The following CDC42BPB variants were observed in gnomAD, a reference collection of about 807,000 sequenced individuals.
CDC42BPB encodes serine/threonine-protein kinase MRCK beta.
CDC42BPB carries 37 observed loss-of-function variants against 214.9 expected under a neutral mutation model. That is an observed-to-expected ratio of 0.17 (90% CI 0.13 to 0.23). CDC42BPB has a LOEUF of 0.23. Ranked by LOEUF, CDC42BPB falls within the 10% of genes least tolerant of loss-of-function variation. The probability of loss-of-function intolerance (pLI) is 1.00; values close to 1 mark genes in which losing one functional copy is unlikely to be tolerated. For synonymous variants in CDC42BPB, 931 were observed against 884.0 expected, an observed-to-expected ratio of 1.05 and a Z score of -0.94; for missense variants, 1,694 against 2,227.0, an observed-to-expected ratio of 0.76 and a Z score of 4.82.
chr14:102,996,650 T>C (rs1225676423), intron 5 of CDC42BPB, among the ~76,000 whole-genome samples: 1 of 151,706 alleles, frequency 6.6e-6, no homozygotes, highest in Non-Finnish European at 1.5e-5. Flanking sequence ...CCATCTCTAC[T>C]AAAAACACAA....
At chr14:102,982,262 T>C (rs1392280286) in intron 7 of CDC42BPB, among the ~76,000 whole-genome samples, 3 of 152,238 alleles carry the variant, frequency 2.0e-5, no homozygotes, top group Non-Finnish European at 4.4e-5. Flanking sequence ...TTTTTAAAAC[T>C]GTAACTTTTG....
intron 21 of CDC42BPB, chr14:102,956,548 G>A (rs867115602): frequency 9.9e-6 from 3 of 301,610 alleles, no homozygotes; most frequent in African/African-American, 2.2e-5. Flanking sequence ...AGGGATTAGC[G>A]GCCAGGCACG....
At chr14:102,971,866 A>G (rs1893486853) in intron 13 of CDC42BPB, 53 bp downstream of exon 13, 8 of 1,558,014 alleles carry the variant, frequency 5.1e-6, no homozygotes, top group Admixed American at 3.6e-5. Context: ...ACGTTTTATA[A>G]AAGTCACACA....
chr14:102,952,721 G>A lies in CDC42BPB; in HGVS notation c.3067-118C>T, dbSNP rs866517050. 2.4e-5 allele frequency: 35 copies of A among 1,479,124 alleles called. No individual in the cohort carries two copies. The Middle Eastern group carries it at 1.1e-3, about 45-fold the overall frequency. The allele number at this position is 1,479,124 out of a possible 1,614,324, so 91.6% of individuals were successfully genotyped here. ...CATTATCCTGAAAAGGTGGAAATGT[G>A]CAAGTTCTGGTCTTGGTCTACGTGT... On this transcript the variant is annotated intron_variant, in intron 23 of 36. Transcript: ENST00000361246.
At chr14:102,957,024 C>CAAA (rs1183767118) in intron 21 of CDC42BPB, among the ~76,000 whole-genome samples, 3 of 48,190 alleles carry the variant, frequency 6.2e-5, no homozygotes, top group African/African-American at 7.3e-5. Context: ...ACTAAAAATA[C>CAAA]AAAAAAAAAA....
At chr14:102,938,621 AGC>A in intron 34 of CDC42BPB, 1 of 931,972 alleles carries the variant, frequency 1.1e-6, no homozygotes. Context: ...TCCTATAAAA[AGC>A]GTACTTTTTT....
At position 102,940,331 on chromosome 14, in the gene CDC42BPB, C is replaced by A. The variant is rs1482230186; in HGVS notation, c.4409-7G>T. Reference sequence around the variant, plus strand: ...ACGTGGGTGGGGCTGCAACCTAGCGCAGACGGAGCAGGGCGGGGTGAGCCA... The same window carrying A: ...ACGTGGGTGGGGCTGCAACCTAGCGAAGACGGAGCAGGGCGGGGTGAGCCA... On this transcript the variant is annotated splice_polypyrimidine_tract_variant and splice_region_variant and intron_variant, in intron 30 of 36. Transcript: ENST00000361246. 6.4e-7 allele frequency: 1 copy of A among 1,561,396 alleles called. No individual in the cohort carries two copies. Among genetic ancestry groups the A allele is most frequent in the Admixed American group, 1.9e-5 (1 of 51,882 alleles).
At chr14:102,941,620 A>C (rs1891893516) in intron 30 of CDC42BPB, 2 of 922,258 alleles carry the variant, frequency 2.2e-6, no homozygotes, top group African/African-American at 1.8e-5. Flanking sequence ...CTTGCAAGGA[A>C]GCAGGAAGAA....
intron 7 of CDC42BPB, among the ~76,000 whole-genome samples, chr14:102,983,348 C>A (rs1242539610): frequency 6.6e-6 from 1 of 152,098 alleles, no homozygotes; most frequent in Non-Finnish European, 1.5e-5. Flanking sequence ...CTTCCTCTGG[C>A]GCCCACATCT....
intron 25 of CDC42BPB, 113 bp downstream of exon 25, chr14:102,950,353 C>T: frequency 7.2e-7 from 1 of 1,394,712 alleles, no homozygotes; most frequent in Non-Finnish European, 9.9e-7. Flanking sequence ...CTAGGACTGG[C>T]ACCAGGGCCA....
In CDC42BPB at chr14:103,004,070, C is replaced by A. The variant is rs759428672; in HGVS notation, c.352-47G>T. On this transcript the variant is annotated intron_variant, in intron 3 of 36. Coordinates refer to ENST00000361246, the MANE Select transcript of CDC42BPB (RefSeq NM_006035.4). This position sits in a 1 kb window ranked among gnomAD's most constrained non-coding sequence, Gnocchi z 5.3. ...CAGTCTGTGTTCACTGGGAAGCAGG[C>A]CAGAGAGCGTACTGCCGGTCTCGGG... is the stretch of plus-strand genomic sequence containing the variant. The A allele has an allele frequency of 6.5e-6, 10 of 1,538,460 alleles. No individual in the cohort carries two copies. The highest frequency in any genetic ancestry group is 1.9e-5 in the Admixed American group (1 of 53,570).
intron 1 of CDC42BPB, among the ~76,000 whole-genome samples, chr14:103,034,573 G>C (rs1887562552): frequency 1.3e-5 from 2 of 152,188 alleles, no homozygotes; most frequent in South Asian, 4.1e-4. Flanking sequence ...CAACACTTTG[G>C]GAGGCTGAGG....
At position 103,001,036 on chromosome 14, in the gene CDC42BPB, G is replaced by C. The variant is rs970547844; in HGVS notation, c.448-1323C>G. 2.6e-5 allele frequency among the ~76,000 whole-genome samples: 4 copies of C among 152,156 alleles called. No individual in the cohort carries two copies. Among genetic ancestry groups the C allele is most frequent in the Non-Finnish European group, 5.9e-5 (4 of 68,010 alleles). ...AGCGGCCCAGCTAATCAGAGGAAACGACAGAAGCCTTCATTTTAGGTCCCT... is the reference window on the plus strand; with the variant it reads ...AGCGGCCCAGCTAATCAGAGGAAACCACAGAAGCCTTCATTTTAGGTCCCT... On this transcript the variant is annotated intron_variant, in intron 4 of 36. Transcript: ENST00000361246. The surrounding 1 kb of genome is among the most constrained non-coding windows in gnomAD (Gnocchi z 5.8).
intron 1 of CDC42BPB, among the ~76,000 whole-genome samples, chr14:103,055,843 A>G (rs1888918105): frequency 6.6e-6 from 1 of 152,230 alleles, no homozygotes; most frequent in African/African-American, 2.4e-5. Context: ...CTTCGTATAA[A>G]TATCAGCTTT....
intron 7 of CDC42BPB, among the ~76,000 whole-genome samples, chr14:102,982,784 C>G (rs1894062353): frequency 6.6e-6 from 1 of 151,764 alleles, no homozygotes; most frequent in African/African-American, 2.4e-5. Context: ...AAAAGACAGG[C>G]AGGAGAATCG....
intron 1 of CDC42BPB, among the ~76,000 whole-genome samples, chr14:103,014,176 A>C (rs1183562297): frequency 3.8e-4 from 58 of 151,542 alleles, no homozygotes; most frequent in African/African-American, 1.3e-3. Context: ...AAAAAAAAAA[A>C]AAAAAAAAAA....
intron 17 of CDC42BPB, 142 bp downstream of exon 17, chr14:102,966,904 T>C (rs1893231398): frequency 5.3e-6 from 5 of 943,316 alleles, no homozygotes; most frequent in Non-Finnish European, 7.9e-6. Context: ...TGAGAAGTTC[T>C]GGGGAACAGC....
rs75487345 is a variant in CDC42BPB at position 102,960,822 on chromosome 14, C to T, written c.2822-1112G>A. Reference sequence around the variant, plus strand: ...AAAAGATAAAACTGGATACACTCCTCGAACCGTATGTCAGAGCAAATTTCA... The same window carrying T: ...AAAAGATAAAACTGGATACACTCCTTGAACCGTATGTCAGAGCAAATTTCA... On this transcript the variant is annotated intron_variant, in intron 20 of 36. Transcript: ENST00000361246. Among the ~76,000 whole-genome samples, 482 of 152,170 alleles carry T rather than the reference C, an allele frequency of 3.2e-3. 18 individuals are homozygous for T. The East Asian group carries it at 0.076, about 24-fold the overall frequency.
At chr14:103,021,906 G>A (rs1277019237) in intron 1 of CDC42BPB, among the ~76,000 whole-genome samples, 1 of 152,194 alleles carries the variant, frequency 6.6e-6, no homozygotes, top group African/African-American at 2.4e-5. Context: ...GGGGCGTGCA[G>A]GTTGACACTC....
Sources: allele counts gnomAD v4.1 joint callset (sites outside exome capture counted in the v4.1 genomes callset), GRCh38; gene constraint gnomAD v4.1.1; non-coding constraint Gnocchi (gnomAD v3.1); transcripts MANE v1.5; gene names NCBI Gene and HGNC (gene_info 2026-07-23, HGNC 2026-07-21).